SLC9A1: variants seen among roughly 807,000 people sequenced by gnomAD.
SLC9A1 encodes the protein sodium/hydrogen exchanger 1.
A neutral mutation model predicts 67.9 loss-of-function variants in SLC9A1; 22 were observed. The ratio of observed to expected loss-of-function variants is 0.32; its 90% CI spans 0.23 to 0.46. SLC9A1 has a LOEUF of 0.46. Among genes scored for constraint, SLC9A1 ranks in the 20% least tolerant of loss-of-function variants. SLC9A1 has a pLI of 1.00. For missense variants in SLC9A1, 686 were observed against 1,094.8 expected (o/e 0.63, Z 5.27); for synonymous variants, 421 against 471.8 (o/e 0.89, Z 1.40).
rs11586860 is a variant in SLC9A1, at chr1:27,131,831, G to A, written c.353-17545C>T. On this transcript the variant is annotated intron_variant, in intron 1 of 11. Coordinates refer to ENST00000263980, the MANE Select transcript of SLC9A1 (RefSeq NM_003047.5). ...AGCTACATGGGAGGCTGAGGCAGGAGAACTGCTTGAACCCAGGAGGCAGAG... is the reference window on the plus strand; with the variant it reads ...AGCTACATGGGAGGCTGAGGCAGGAAAACTGCTTGAACCCAGGAGGCAGAG... Among the ~76,000 whole-genome samples the A allele has an allele frequency of 9.6e-3, 1,428 of 148,062 alleles. 26 individuals carry two copies. Among genetic ancestry groups the A allele is most frequent in the African/African-American group, 0.031 (1,269 of 40,348 alleles).
intron 1 of SLC9A1, among the ~76,000 whole-genome samples, chr1:27,136,766 T>C (rs1363482833): frequency 6.6e-6 from 1 of 152,126 alleles, no homozygotes; most frequent in Non-Finnish European, 1.5e-5. Flanking sequence ...AGGATAATTA[T>C]CCATGGAAGG....
intron 1 of SLC9A1, among the ~76,000 whole-genome samples, chr1:27,144,847 A>G (rs923081792): frequency 6.6e-6 from 1 of 152,146 alleles, no homozygotes; most frequent in Non-Finnish European, 1.5e-5. Context: ...CGTCTCTACT[A>G]AAAACACAAA....
chr1:27,147,299 CAAAAAAAAAAAAAAAAAAAAAAGA>C (rs2083493636), intron 1 of SLC9A1, among the ~76,000 whole-genome samples: 1 of 43,958 alleles, frequency 2.3e-5, no homozygotes, highest in African/African-American at 1.0e-4. Flanking sequence ...GACTCTGTCT[CAAAAAAAAAAAAAAAAAAAAAAGA>C]AAAGAAAAAA....
chr1:27,114,520 C>T lies in SLC9A1; in HGVS notation c.353-234G>A, dbSNP rs1409051847. ...ACCAAGTGACAGTGTTTTTAAAGCA[C>T]TTTTTTCAAAGGATATATACATGCT... is the stretch of plus-strand genomic sequence containing the variant. On this transcript the variant is annotated intron_variant, in intron 1 of 11. Coordinates refer to ENST00000263980, the MANE Select transcript of SLC9A1 (RefSeq NM_003047.5). This position sits in a 1 kb window ranked among gnomAD's most constrained non-coding sequence, Gnocchi z 5.4. Among the ~76,000 whole-genome samples the T allele has an allele frequency of 6.6e-6, 1 of 152,152 alleles. No homozygotes were observed. The highest frequency in any genetic ancestry group is 2.4e-5 in the African/African-American group (1 of 41,418).
In SLC9A1 at chr1:27,105,868, C is replaced by T. The variant is rs972932882; in HGVS notation, c.1485+17G>A. ...AGGGTCCCCAAGGCAAGGGCCTGCCCTGCCCTGGCCCAGCACCTGCACAAA... is the reference window on the plus strand; with the variant it reads ...AGGGTCCCCAAGGCAAGGGCCTGCCTTGCCCTGGCCCAGCACCTGCACAAA... On this transcript the variant is annotated intron_variant, in intron 5 of 11. Transcript: ENST00000263980. 5 of 1,609,036 alleles carry T rather than the reference C, an allele frequency of 3.1e-6. No homozygotes were observed. The African/African-American group carries it at 6.7e-5, about 21-fold the overall frequency.
Position 27,102,374 on chromosome 1 carries a change from C to T in SLC9A1, c.1820+11G>A. 1 of 1,579,422 alleles carries T rather than the reference C, an allele frequency of 6.3e-7. No homozygotes were observed. Among genetic ancestry groups the T allele is most frequent in the Non-Finnish European group, 8.6e-7 (1 of 1,157,604 alleles). ...TGGGAGCAGAAGCTGCCTGGTTGCC[C>T]CAGCACTCACTGCATGGAGACGGTG... On this transcript the variant is annotated intron_variant, in intron 8 of 11. Transcript: ENST00000263980.
rs1314227072 is a variant in SLC9A1, at chr1:27,100,948, C to T, written c.2110+255G>A. On this transcript the variant is annotated intron_variant, in intron 11 of 11. Transcript: ENST00000263980. This position sits in a 1 kb window ranked among gnomAD's most constrained non-coding sequence, Gnocchi z 5.6. The stretch of plus-strand genomic sequence containing the variant: ...CGTTCCCCACACGTGTTGGGGGTCT[C>T]GATGGGGCAGATACCCTGCCTTCCT... 2.6e-5 allele frequency among the ~76,000 whole-genome samples: 4 copies of T among 152,212 alleles called. No individual in the cohort carries two copies. In the South Asian group the frequency reaches 6.2e-4, roughly 24 times the overall value.
At chr1:27,116,542 A>G (rs1437732310) in intron 1 of SLC9A1, among the ~76,000 whole-genome samples, 1 of 152,230 alleles carries the variant, frequency 6.6e-6, no homozygotes, top group Non-Finnish European at 1.5e-5. Context: ...CCTGATTTCA[A>G]AATAGACATG....
rs1009213640 is a variant in SLC9A1, at chr1:27,114,417, T to C, written c.353-131A>G. On this transcript the variant is annotated intron_variant, in intron 1 of 11. Transcript: ENST00000263980. This position sits in a 1 kb window ranked among gnomAD's most constrained non-coding sequence, Gnocchi z 5.4. ...CAGGCTGGGTCTCAGAGGGCTGCTC[T>C]GTTAACTCTCTGAGCCTCCGCTTCC... 1.6e-4 allele frequency: 105 copies of C among 667,024 alleles called. No individual in the cohort carries two copies. Among genetic ancestry groups the C allele is most frequent in the Middle Eastern group, 7.6e-4 (2 of 2,638 alleles). The allele number at this position is 667,024 out of a possible 1,614,324, so 41.3% of individuals were successfully genotyped here.
At chr1:27,131,947 A>AT (rs1553119559) in intron 1 of SLC9A1, among the ~76,000 whole-genome samples, 2 of 52,126 alleles carry the variant, frequency 3.8e-5, no homozygotes, top group South Asian at 6.2e-4. Context: ...AGAAAAAAAA[A>AT]ATATATATAT....
At chr1:27,103,479 A>G in intron 5 of SLC9A1, 167 bp from the exon 6 acceptor site, 1 of 629,096 alleles carries the variant, frequency 1.6e-6, no homozygotes, top group South Asian at 1.8e-5. Context: ...GCACTTATCT[A>G]AAGACAGGTC....
intron 3 of SLC9A1, among the ~76,000 whole-genome samples, chr1:27,108,966 C>T (rs1172018563): frequency 2.0e-5 from 3 of 152,174 alleles, no homozygotes; most frequent in African/African-American, 4.8e-5. Flanking sequence ...TGCTCACACC[C>T]GGGCTCTGCT....
intron 3 of SLC9A1, among the ~76,000 whole-genome samples, chr1:27,108,786 A>C (rs2124144819): frequency 6.6e-6 from 1 of 152,278 alleles, no homozygotes; most frequent in South Asian, 2.1e-4. Context: ...CAAAGCCTGC[A>C]CCTTTGCCCC....
chr1:27,101,974 G>A lies in SLC9A1; in HGVS notation c.1935+42C>T. 6.6e-7 allele frequency: 1 copy of A among 1,517,290 alleles called. No individual in the cohort carries two copies. Among genetic ancestry groups the A allele is most frequent in the Non-Finnish European group, 9.1e-7 (1 of 1,093,600 alleles). The allele number at this position is 1,517,290 out of a possible 1,614,324, so 94.0% of individuals were successfully genotyped here. Reference sequence around the variant, plus strand: ...GGCTGCCGTAGAGAGGGGCTGAAGGGCTCCTGTACCCTGGGGGTCGGGCTG... The same window carrying A: ...GGCTGCCGTAGAGAGGGGCTGAAGGACTCCTGTACCCTGGGGGTCGGGCTG... On this transcript the variant is annotated intron_variant, in intron 9 of 11. Coordinates refer to ENST00000263980, the MANE Select transcript of SLC9A1 (RefSeq NM_003047.5). This position sits in a 1 kb window ranked among gnomAD's most constrained non-coding sequence, Gnocchi z 4.9.
chr1:27,103,580 A>G (rs2083162864), intron 5 of SLC9A1: 2 of 508,586 alleles, frequency 3.9e-6, no homozygotes, highest in Admixed American at 3.2e-5. Flanking sequence ...CAGGCAGCAG[A>G]CAGCCTGGGT....
In SLC9A1 at chr1:27,126,478, C is replaced by G. The variant is rs1407828068; in HGVS notation, c.353-12192G>C. On this transcript the variant is annotated intron_variant, in intron 1 of 11. Coordinates refer to ENST00000263980, the MANE Select transcript of SLC9A1 (RefSeq NM_003047.5). ...GCTTGTCCCTTGGAGAGCCACTCTT[C>G]CAAGGTGCTGCTCAGCAGTTTTTCC... Among the ~76,000 whole-genome samples the G allele has an allele frequency of 3.3e-5, 5 of 152,302 alleles. No homozygotes were observed. The East Asian group carries it at 9.7e-4, about 29-fold the overall frequency.
chr1:27,111,627 A>G (rs905534829), intron 2 of SLC9A1, among the ~76,000 whole-genome samples: 1 of 143,446 alleles, frequency 7.0e-6, no homozygotes, highest in African/African-American at 2.7e-5. Context: ...GAGACCCCAT[A>G]TCTACAAAAT....
intron 1 of SLC9A1, among the ~76,000 whole-genome samples, chr1:27,148,786 GA>G (rs1353759043): frequency 8.2e-4 from 125 of 152,328 alleles, no homozygotes; most frequent in Middle Eastern, 3.4e-3. Flanking sequence ...GCTCCCAACA[GA>G]GGCTGCCTCT....
intron 1 of SLC9A1, among the ~76,000 whole-genome samples, chr1:27,147,637 T>C (rs116006263): frequency 0.023 from 3,554 of 151,996 alleles, 141 homozygotes; most frequent in African/African-American, 0.079. Context: ...AAGATCCCCA[T>C]CCCCCATCTC....
Sources: gnomAD v4.1 joint callset for allele counts (sites outside exome capture counted in the v4.1 genomes callset) on GRCh38, gnomAD v4.1.1 for gene constraint, Gnocchi (gnomAD v3.1) non-coding constraint, MANE v1.5 for transcripts, NCBI Gene and HGNC (gene_info 2026-07-23, HGNC 2026-07-21) for gene names.